The following EXOC4 variants were observed in gnomAD, a reference collection of about 807,000 sequenced individuals.
EXOC4 encodes the protein exocyst complex component 4.
In EXOC4, 71 loss-of-function variants were observed where a neutral mutation model predicts 107.2. That is an observed-to-expected ratio of 0.66 (90% CI 0.55 to 0.81). The LOEUF is 0.81. Ranked by LOEUF, EXOC4 falls within the 30% of genes least tolerant of loss-of-function variation. The pLI is 0.00. For missense variants in EXOC4, 1,108 were observed against 1,189.6 expected, an observed-to-expected ratio of 0.93 and a Z score of 1.01; for synonymous variants, 456 against 441.2, an observed-to-expected ratio of 1.03 and a Z score of -0.42.
chr7:133,442,739 A>G (rs1798131948), intron 7 of EXOC4, among the ~76,000 whole-genome samples: 2 of 152,134 alleles, frequency 1.3e-5, no homozygotes, highest in African/African-American at 4.8e-5. Flanking sequence ...AGGAGAAGGG[A>G]TTTGAAGGAA....
In EXOC4 at chr7:133,376,828, A is replaced by G. The variant is rs539167392; in HGVS notation, c.1182+1826A>G. The stretch of plus-strand genomic sequence containing the variant: ...TTCTAGGAGTAGAAGACAGGCTACT[A>G]TAGATCTCATACAGCAAAGCCCCAA... On this transcript the variant is annotated intron_variant, in intron 7 of 17. Transcript: ENST00000253861. Among the ~76,000 whole-genome samples, 16 of 152,320 alleles carry G rather than the reference A, an allele frequency of 1.1e-4. No individual in the cohort carries two copies. The South Asian group carries it at 1.4e-3, about 14-fold the overall frequency.
At chr7:133,414,973 A>G (rs1797442225) in intron 7 of EXOC4, among the ~76,000 whole-genome samples, 1 of 152,184 alleles carries the variant, frequency 6.6e-6, no homozygotes, top group Non-Finnish European at 1.5e-5. Context: ...GGCAACCACA[A>G]ATCTACTCTC....
intron 5 of EXOC4, among the ~76,000 whole-genome samples, chr7:133,346,548 A>G (rs1795788009): frequency 6.6e-6 from 1 of 152,188 alleles, no homozygotes; most frequent in Non-Finnish European, 1.5e-5. Context: ...CATTATTTTT[A>G]AATGGTAACT....
chr7:133,451,281 G>C (rs1002586272), intron 7 of EXOC4, among the ~76,000 whole-genome samples: 1 of 151,530 alleles, frequency 6.6e-6, no homozygotes, highest in East Asian at 1.9e-4. Context: ...GGGAGAGATC[G>C]TGTTGGGTAT....
At chr7:133,912,783 T>C (rs538709039) in intron 12 of EXOC4, among the ~76,000 whole-genome samples, 1 of 152,258 alleles carries the variant, frequency 6.6e-6, no homozygotes, top group South Asian at 2.1e-4. Context: ...CCAGTTAAAA[T>C]AGACGTTGGC....
intron 10 of EXOC4, among the ~76,000 whole-genome samples, chr7:133,738,794 C>T (rs1795501080): frequency 6.6e-6 from 1 of 152,212 alleles, no homozygotes; most frequent in Admixed American, 6.5e-5. Flanking sequence ...TGTGAACCAG[C>T]ATGCCTGTAA....
chr7:133,513,078 T>C (rs1799803162), intron 9 of EXOC4, among the ~76,000 whole-genome samples: 3 of 152,154 alleles, frequency 2.0e-5, no homozygotes, highest in African/African-American at 7.2e-5. Flanking sequence ...GCACTCCATC[T>C]TGGGTGACAG....
intron 10 of EXOC4, among the ~76,000 whole-genome samples, chr7:133,669,205 C>G (rs2151055449): frequency 6.6e-6 from 1 of 152,010 alleles, no homozygotes. Flanking sequence ...GGGTAAGGAG[C>G]CAAATCGAGC....
At chr7:133,663,014 G>A (rs1793731143) in intron 10 of EXOC4, among the ~76,000 whole-genome samples, 1 of 152,120 alleles carries the variant, frequency 6.6e-6, no homozygotes, top group Admixed American at 6.6e-5. Context: ...AGAAAGGAGT[G>A]GTGTGGGACA....
chr7:133,377,671 C>T (rs1233385414), intron 7 of EXOC4, among the ~76,000 whole-genome samples: 5 of 152,008 alleles, frequency 3.3e-5, no homozygotes, highest in African/African-American at 1.2e-4. Context: ...CCCACAGATG[C>T]AAGAAACGTA....
rs1023002924 is a variant in EXOC4, at chr7:133,792,833, C to T, written c.1515-24492C>T. ...GTGTATAAAAATAGCATGCATTTAT[C>T]GTTCTTCAAGAAAAGGTACCAAATA... is the stretch of plus-strand genomic sequence containing the variant. On this transcript the variant is annotated intron_variant, in intron 10 of 17. Coordinates refer to ENST00000253861, the MANE Select transcript of EXOC4 (RefSeq NM_021807.4). Among the ~76,000 whole-genome samples the T allele has an allele frequency of 3.3e-5, 5 of 152,164 alleles. 1 individual carries two copies. The highest frequency in any genetic ancestry group is 2.0e-4 in the Admixed American group (3 of 15,284).
chr7:134,085,146 A>G, the EXOC4 span, among the ~76,000 whole-genome samples: 1 of 152,190 alleles, frequency 6.6e-6, no homozygotes, highest in Non-Finnish European at 1.5e-5. Context: ...GTTGCAGTTC[A>G]TCCACAAGGA....
At chr7:133,461,640 T>G (rs1365924754) in intron 7 of EXOC4, among the ~76,000 whole-genome samples, 1 of 152,196 alleles carries the variant, frequency 6.6e-6, no homozygotes, top group South Asian at 2.1e-4. Flanking sequence ...GTGGCACTTA[T>G]CTCATTGGAG....
chr7:133,492,447 G>A (rs1799390205), intron 9 of EXOC4, among the ~76,000 whole-genome samples: 1 of 152,090 alleles, frequency 6.6e-6, no homozygotes, highest in African/African-American at 2.4e-5. Context: ...TTCTCTTTTG[G>A]TTGTGTTTAG....
intron 10 of EXOC4, among the ~76,000 whole-genome samples, chr7:133,771,964 G>A (rs1178706771): frequency 1.3e-5 from 2 of 151,836 alleles, no homozygotes; most frequent in Non-Finnish European, 2.9e-5. Flanking sequence ...TCCCTCATAG[G>A]CCCCAGGCTC....
intron 5 of EXOC4, among the ~76,000 whole-genome samples, chr7:133,355,920 C>T (rs753081642): frequency 1.3e-5 from 2 of 152,070 alleles, no homozygotes; most frequent in Non-Finnish European, 2.9e-5. Flanking sequence ...TTTTCTCCAG[C>T]GACTTACCAC....
At chr7:133,791,215 T>TA (rs963071745) in intron 10 of EXOC4, among the ~76,000 whole-genome samples, 1 of 152,240 alleles carries the variant, frequency 6.6e-6, no homozygotes, top group African/African-American at 2.4e-5. Flanking sequence ...ACCCAACCCC[T>TA]AGAAGTCTGA....
At chr7:133,749,051 C>T (rs1373178320) in intron 10 of EXOC4, among the ~76,000 whole-genome samples, 2 of 152,210 alleles carry the variant, frequency 1.3e-5, no homozygotes, top group Non-Finnish European at 2.9e-5. Context: ...TAAAAATAGG[C>T]TCAGGAGCCT....
chr7:133,835,705 A>G (rs1797904755), intron 11 of EXOC4, among the ~76,000 whole-genome samples: 1 of 152,210 alleles, frequency 6.6e-6, no homozygotes, highest in Non-Finnish European at 1.5e-5. Context: ...GTATATTTTT[A>G]AAAATCATGC....
Sources: allele counts gnomAD v4.1 joint callset (sites outside exome capture counted in the v4.1 genomes callset), GRCh38; gene constraint gnomAD v4.1.1; transcripts MANE v1.5; gene names NCBI Gene and HGNC (gene_info 2026-07-23, HGNC 2026-07-21).